Variants in RBFOX3 observed in about 807,000 individuals in gnomAD.
RBFOX3 encodes the protein RNA binding fox-1 homolog 3.
A neutral mutation model predicts 48.7 loss-of-function variants in RBFOX3; 17 were observed. The ratio of observed to expected loss-of-function variants is 0.35; its 90% confidence interval spans 0.24 to 0.52. The LOEUF (loss-of-function observed/expected upper bound fraction) is 0.52, where lower values mean the gene tolerates loss of function less well. RBFOX3 is among the 20% of genes least tolerant of loss of function. The pLI is 0.94. For synonymous variants in RBFOX3, 212 were observed against 209.5 expected (o/e 1.01, Z -0.10); for missense variants, 382 against 497.5 (o/e 0.77, Z 2.21).
intron 4 of RBFOX3, among the ~76,000 whole-genome samples, chr17:79,185,563 G>A (rs968792376): frequency 6.6e-5 from 10 of 152,132 alleles, no homozygotes; most frequent in African/African-American, 9.7e-5. Context: ...GCACCTGTCC[G>A]TCACCACTGC....
chr17:79,104,749 C>A (rs191184207), intron 6 of RBFOX3, among the ~76,000 whole-genome samples: 1 of 152,180 alleles, frequency 6.6e-6, no homozygotes, highest in East Asian at 1.9e-4. Context: ...AGAGCAGGAC[C>A]CCTGGTTGGG....
chr17:79,462,307 G>A (rs74889118), intron 2 of RBFOX3, among the ~76,000 whole-genome samples: 242 of 152,332 alleles, frequency 1.6e-3, no homozygotes, highest in African/African-American at 5.6e-3. Context: ...GGCACTAATG[G>A]TGTGACCTTG....
rs575958919 is a variant in RBFOX3, at chr17:79,438,977, C to A, written c.-175+43477G>T. Among the ~76,000 whole-genome samples, 47 of 152,338 alleles carry A rather than the reference C, an allele frequency of 3.1e-4. No individual in the cohort carries two copies. In the South Asian group the frequency reaches 9.1e-3, roughly 30 times the overall value. ...GAAATCTCCCTTTTCTCCCTCCTCC[C>A]GAAACCATCAGCTTCTTTACAAATT... On this transcript the variant is annotated intron_variant, in intron 2 of 14. Transcript: ENST00000693108.
At chr17:79,276,944 C>G (rs1401318194) in intron 3 of RBFOX3, among the ~76,000 whole-genome samples, 2 of 152,280 alleles carry the variant, frequency 1.3e-5, no homozygotes, top group East Asian at 3.9e-4. Flanking sequence ...ACAGCCAGCT[C>G]CCTGTGGCTC....
At chr17:79,450,544 T>TTG (rs2073284687) in intron 2 of RBFOX3, among the ~76,000 whole-genome samples, 1 of 151,608 alleles carries the variant, frequency 6.6e-6, no homozygotes, top group South Asian at 2.1e-4. Flanking sequence ...ACTTCTGATT[T>TTG]TTTTTTTTAT....
upstream of RBFOX3, among the ~76,000 whole-genome samples, chr17:79,611,114 C>CT (rs2093959952): frequency 5.2e-5 from 3 of 57,374 alleles, no homozygotes; most frequent in South Asian, 9.6e-4. Flanking sequence ...TCTCCTCCCT[C>CT]CTCTCTCCGC....
intron 2 of RBFOX3, among the ~76,000 whole-genome samples, chr17:79,324,723 A>T (rs1338271298): frequency 6.6e-6 from 1 of 152,228 alleles, no homozygotes; most frequent in South Asian, 2.1e-4. Context: ...GAGAGCAGGC[A>T]GCCTTCCTGC....
chr17:79,264,849 C>A, intron 3 of RBFOX3, among the ~76,000 whole-genome samples: 1 of 149,386 alleles, frequency 6.7e-6, no homozygotes, highest in Non-Finnish European at 1.5e-5. Context: ...TGGCTCCTGC[C>A]CCCGCTGGAA....
At chr17:79,282,165 C>T (rs1044095847) in intron 3 of RBFOX3, among the ~76,000 whole-genome samples, 4 of 151,990 alleles carry the variant, frequency 2.6e-5, no homozygotes, top group African/African-American at 4.8e-5. Flanking sequence ...GGCAGCACCA[C>T]GGGATGGGCA....
chr17:79,200,653 T>C (rs1407109385), intron 4 of RBFOX3, among the ~76,000 whole-genome samples: 1 of 151,272 alleles, frequency 6.6e-6, no homozygotes, highest in Non-Finnish European at 1.5e-5. Context: ...CTCTGGGGAG[T>C]TGAGACGCCA....
chr17:79,096,541 G>GTGGGA (rs758985975), intron 12 of RBFOX3, 112 bp downstream of exon 12: 97 of 942,674 alleles, frequency 1.0e-4, no homozygotes, highest in South Asian at 4.8e-4. Flanking sequence ...GGCTTCAAGG[G>GTGGGA]TGGGATGGGA....
At chr17:79,511,650 C>T (rs2084219073) in intron 1 of RBFOX3, among the ~76,000 whole-genome samples, 4 of 152,222 alleles carry the variant, frequency 2.6e-5, no homozygotes, top group Admixed American at 6.5e-5. Context: ...TAGCACAGCC[C>T]CATGGCCAGG....
chr17:79,097,723 G>A lies in RBFOX3; in HGVS notation c.591C>T (p.Val197=), dbSNP rs2075649710. The A allele has an allele frequency of 4.6e-6, 7 of 1,513,466 alleles. No individual in the cohort carries two copies. The highest frequency in any genetic ancestry group is 6.2e-6 in the Non-Finnish European group (7 of 1,123,254). 93.8% of individuals were successfully genotyped at this position (1,513,466 alleles called of 1,614,324 possible). ...AGAATTCAGGCCCGTAGACTGCGCC[G>A]ACCACTGGATTTAGCTTCCAGCCTA... The part of the protein sequence containing the change: ...YTNGWKLNPV[V]GAVYGPEFYA... The change falls in exon 10 of 15, where the codon GTC becomes GTT. Residue 197 remains valine, a synonymous_variant. Transcript: ENST00000693108.
intron 2 of RBFOX3, among the ~76,000 whole-genome samples, chr17:79,349,128 G>A (rs1282662371): frequency 1.3e-5 from 2 of 151,674 alleles, no homozygotes; most frequent in Non-Finnish European, 2.9e-5. Context: ...CCATCCCCAC[G>A]CCTGGCGCTC....
the RBFOX3 span, among the ~76,000 whole-genome samples, chr17:79,635,248 G>A: frequency 1.3e-5 from 2 of 152,072 alleles, no homozygotes; most frequent in African/African-American, 4.8e-5. Context: ...GGGCATGGAA[G>A]GCTTCCTGGC....
the RBFOX3 span, among the ~76,000 whole-genome samples, chr17:79,632,113 G>C: frequency 2.6e-5 from 4 of 152,232 alleles, no homozygotes; most frequent in African/African-American, 7.2e-5. Flanking sequence ...CAACATTTCA[G>C]CAACCAAGAG....
At chr17:79,394,527 CCTT>C (rs2061751728) in intron 2 of RBFOX3, among the ~76,000 whole-genome samples, 1 of 152,232 alleles carries the variant, frequency 6.6e-6, no homozygotes, top group Non-Finnish European at 1.5e-5. Context: ...AAGGGCCTGT[CCTT>C]CTCCATCCAC....
intron 3 of RBFOX3, among the ~76,000 whole-genome samples, chr17:79,301,213 C>T (rs2075260446): frequency 6.6e-6 from 1 of 152,348 alleles, no homozygotes; most frequent in East Asian, 1.9e-4. Context: ...CTTTCTGGGT[C>T]CCAGCCCTTT....
At chr17:79,294,467 C>T (rs528116749) in intron 3 of RBFOX3, among the ~76,000 whole-genome samples, 3 of 152,146 alleles carry the variant, frequency 2.0e-5, no homozygotes, top group Non-Finnish European at 2.9e-5. Flanking sequence ...CCTGCCACCA[C>T]GCCCAGCTAA....
Sources: allele counts gnomAD v4.1 joint callset (sites outside exome capture counted in the v4.1 genomes callset), GRCh38; gene constraint gnomAD v4.1.1; transcripts MANE v1.5; gene names NCBI Gene and HGNC (gene_info 2026-07-23, HGNC 2026-07-21).